Variants in PTPN13 observed in about 807,000 individuals in gnomAD.
The protein encoded by PTPN13 is tyrosine-protein phosphatase non-receptor type 13.
A neutral mutation model predicts 284.0 loss-of-function variants in PTPN13; 191 were observed. The observed-to-expected ratio is 0.67, with a 90% CI of 0.60 to 0.76. The LOEUF (loss-of-function observed/expected upper bound fraction) is 0.76, where lower values mean the gene tolerates loss of function less well. Among genes scored for constraint, PTPN13 ranks in the 30% least tolerant of loss-of-function variants. The pLI, the probability that PTPN13 is intolerant of heterozygous loss-of-function variation, is 0.00. For synonymous variants in PTPN13, 986 were observed against 1,022.3 expected, an observed-to-expected ratio of 0.96 and a Z score of 0.68; for missense variants, 2,797 against 2,939.9, an observed-to-expected ratio of 0.95 and a Z score of 1.12.
In PTPN13 at chr4:86,806,968, C is replaced by A. The variant is rs1235499307; in HGVS notation, c.6746-592C>A. 2.6e-5 allele frequency among the ~76,000 whole-genome samples: 4 copies of A among 151,824 alleles called. No homozygotes were observed. In the East Asian group the frequency reaches 7.7e-4, roughly 29 times the overall value. On this transcript the variant is annotated intron_variant, in intron 44 of 47. Transcript: ENST00000411767. ...AATTATAATAAAACAAAGATAAGGG[C>A]CTTTATGCCTGGATAATAAAATGAG...
chr4:86,753,323 T>G lies in PTPN13; in HGVS notation c.3223+258T>G, dbSNP rs1038534030. Among the ~76,000 whole-genome samples, 34 of 152,080 alleles carry G rather than the reference T, an allele frequency of 2.2e-4. 1 individual carries two copies. The highest frequency in any genetic ancestry group is 7.5e-4 in the African/African-American group (31 of 41,430). ...GATAATAGTTCAGGTGGGAGATAATTTCTATTAAAAAGAGTTTTAACTGAG... is the reference window on the plus strand; with the variant it reads ...GATAATAGTTCAGGTGGGAGATAATGTCTATTAAAAAGAGTTTTAACTGAG... On this transcript the variant is annotated intron_variant, in intron 20 of 47. Coordinates refer to ENST00000411767, the MANE Select transcript of PTPN13 (RefSeq NM_080683.3).
intron 6 of PTPN13, among the ~76,000 whole-genome samples, chr4:86,698,743 C>A (rs759519662): frequency 5.9e-5 from 9 of 152,042 alleles, no homozygotes; most frequent in Non-Finnish European, 1.0e-4. Context: ...GATCATTGGT[C>A]ATAACTAATG....
chr4:86,732,791 G>A (rs891847466), intron 12 of PTPN13, 25 bp downstream of exon 12: 9 of 1,590,712 alleles, frequency 5.7e-6, no homozygotes, highest in Non-Finnish European at 4.3e-6. Flanking sequence ...TATATTCAGA[G>A]TACAGTATAG....
chr4:86,631,859 C>G (rs1279296329), intron 1 of PTPN13, among the ~76,000 whole-genome samples: 1 of 151,756 alleles, frequency 6.6e-6, no homozygotes, highest in Admixed American at 6.6e-5. Flanking sequence ...TTTTAAAACC[C>G]AATTTATTTT....
At chr4:86,699,141 A>G (rs1016609260) in intron 6 of PTPN13, among the ~76,000 whole-genome samples, 2 of 152,148 alleles carry the variant, frequency 1.3e-5, no homozygotes, top group African/African-American at 4.8e-5. Flanking sequence ...TAATCCCAGC[A>G]CTTTGGGAGG....
chr4:86,620,654 C>CA (rs985095272), intron 1 of PTPN13, among the ~76,000 whole-genome samples: 3 of 152,164 alleles, frequency 2.0e-5, no homozygotes, highest in African/African-American at 7.2e-5. Context: ...TTAAATGCTA[C>CA]ACTGCAATTA....
intron 12 of PTPN13, 55 bp downstream of exon 12, chr4:86,732,821 C>A (rs1735094566): frequency 2.0e-6 from 3 of 1,467,696 alleles, no homozygotes; most frequent in Non-Finnish European, 2.8e-6. Flanking sequence ...AACAAGCAGA[C>A]TTCCTATGTT....
intron 28 of PTPN13, among the ~76,000 whole-genome samples, chr4:86,768,681 A>G (rs1344336598): frequency 2.0e-5 from 3 of 151,134 alleles, no homozygotes; most frequent in Admixed American, 6.6e-5. Context: ...ATTTTATCAT[A>G]CTGCTCTTTA....
intron 7 of PTPN13, among the ~76,000 whole-genome samples, chr4:86,703,930 T>G (rs1004147780): frequency 1.3e-5 from 2 of 152,042 alleles, no homozygotes; most frequent in Non-Finnish European, 2.9e-5. Flanking sequence ...CCTGGCACTA[T>G]GGCAGGCTGA....
chr4:86,808,208 CTT>C (rs1210385283), intron 45 of PTPN13, among the ~76,000 whole-genome samples: 2 of 152,176 alleles, frequency 1.3e-5, no homozygotes, highest in African/African-American at 4.8e-5. Flanking sequence ...ATGTTGGAAA[CTT>C]GTGTTTTTAT....
intron 9 of PTPN13, among the ~76,000 whole-genome samples, chr4:86,721,246 A>C (rs1733616467): frequency 1.3e-5 from 2 of 152,066 alleles, no homozygotes; most frequent in South Asian, 4.1e-4. Context: ...TTTGAGTTTA[A>C]ATGTGCAGAT....
chr4:86,615,840 A>G (rs1186531743), intron 1 of PTPN13, among the ~76,000 whole-genome samples: 1 of 152,218 alleles, frequency 6.6e-6, no homozygotes, highest in African/African-American at 2.4e-5. Context: ...AAAGATAGAC[A>G]TCATATCTCC....
rs1250723359 is a variant in PTPN13, at chr4:86,771,250, C to G, written c.4883C>G (p.Thr1628Ser). The change falls in exon 31 of 48, where the codon ACC becomes AGC. Residue 1628 changes from threonine (T) to serine (S), a missense_variant. Thr to Ser is a moderately conservative substitution (Grantham distance 58, BLOSUM62 1). Coordinates refer to ENST00000411767, the MANE Select transcript of PTPN13 (RefSeq NM_080683.3). The stretch of plus-strand genomic sequence containing the variant: ...CAGCCATCATGTGTGGAGCAAAGCA[C>G]CAGCTCAGATGAAAATGAAATGTCA... ...SSQPSCVEQS[T>S]SSDENEMSDK... 1 of 1,609,916 alleles carries G rather than the reference C, an allele frequency of 6.2e-7. No homozygotes were observed. Among genetic ancestry groups the G allele is most frequent in the Non-Finnish European group, 8.5e-7 (1 of 1,178,086 alleles).
Position 86,771,371 on chromosome 4 carries a change from A to T in PTPN13, c.5004A>T (p.Ala1668=). 6.3e-7 allele frequency: 1 copy of T among 1,577,152 alleles called. No homozygotes were observed. The highest frequency in any genetic ancestry group is 8.6e-7 in the Non-Finnish European group (1 of 1,160,890). ...SGEDDLVTAP[A]NISNSTWSSA... Reference sequence around the variant, plus strand: ...AAGATGACTTAGTGACAGCTCCAGCAAACATATCAAATTCGACCTGGAGTT... The same window carrying T: ...AAGATGACTTAGTGACAGCTCCAGCTAACATATCAAATTCGACCTGGAGTT... The change falls in exon 31 of 48, where the codon GCA becomes GCT. Residue 1668 remains alanine (A), a synonymous_variant. Coordinates refer to ENST00000411767, the MANE Select transcript of PTPN13 (RefSeq NM_080683.3).
intron 2 of PTPN13, among the ~76,000 whole-genome samples, chr4:86,639,621 T>C (rs909668496): frequency 4.6e-5 from 7 of 151,478 alleles, no homozygotes; most frequent in Admixed American, 4.6e-4. Flanking sequence ...TAGATGGGAA[T>C]TGAACAATGA....
At chr4:86,686,519 C>T (rs1729478808) in intron 3 of PTPN13, among the ~76,000 whole-genome samples, 191 bp from the exon 4 acceptor site, 2 of 152,300 alleles carry the variant, frequency 1.3e-5, no homozygotes, top group South Asian at 2.1e-4. Context: ...AGGAAAACAT[C>T]TGTTGTAATA....
chr4:86,686,863 T>C, intron 4 of PTPN13, 88 bp downstream of exon 4: 1 of 889,174 alleles, frequency 1.1e-6, no homozygotes, highest in South Asian at 1.6e-5. Context: ...TTTATACGTG[T>C]TCTACAGCAT....
chr4:86,758,098 CTA>C (rs1399707932), intron 20 of PTPN13, among the ~76,000 whole-genome samples, 160 bp from the exon 21 acceptor site: 2 of 152,020 alleles, frequency 1.3e-5, no homozygotes, highest in East Asian at 1.9e-4. Flanking sequence ...TTATAAATCA[CTA>C]TAAAAATATA....
At chr4:86,762,400 A>G (rs572752233) in intron 23 of PTPN13, among the ~76,000 whole-genome samples, 1 of 147,582 alleles carries the variant, frequency 6.8e-6, no homozygotes, top group South Asian at 2.1e-4. Flanking sequence ...GCAAATAACT[A>G]TTTAATAAGG....
Sources: allele counts gnomAD v4.1 joint callset (sites outside exome capture counted in the v4.1 genomes callset), GRCh38; gene constraint gnomAD v4.1.1; transcripts MANE v1.5; gene names NCBI Gene and HGNC (gene_info 2026-07-23, HGNC 2026-07-21).